DGKI: variants seen among roughly 807,000 people sequenced by gnomAD.
DGKI encodes diacylglycerol kinase iota, also known as DAG kinase iota.
In DGKI, 55 loss-of-function variants were observed where a neutral mutation model predicts 147.5. That is an observed-to-expected ratio of 0.37 (90% CI 0.30 to 0.47). The LOEUF (loss-of-function observed/expected upper bound fraction) is 0.47, where lower values mean the gene tolerates loss of function less well. DGKI is among the 20% of genes least tolerant of loss of function. The pLI, the probability that DGKI is intolerant of heterozygous loss-of-function variation, is 1.00. For synonymous variants in DGKI, 469 were observed against 477.1 expected (o/e 0.98, Z 0.22); for missense variants, 1,007 against 1,323.8 (o/e 0.76, Z 3.71).
chr7:137,554,424 T>A (rs2692008), intron 19 of DGKI, among the ~76,000 whole-genome samples: 1 of 152,078 alleles, frequency 6.6e-6, no homozygotes, highest in South Asian at 2.1e-4. Flanking sequence ...TAACCTAGCA[T>A]GTGTTAGTCT....
chr7:137,586,225 G>A (rs933959425), intron 13 of DGKI, among the ~76,000 whole-genome samples: 1 of 152,094 alleles, frequency 6.6e-6, no homozygotes, highest in Non-Finnish European at 1.5e-5. Context: ...AGGAGTTTGA[G>A]ACCAGCCTGG....
intron 19 of DGKI, among the ~76,000 whole-genome samples, chr7:137,556,613 A>G (rs1026340377): frequency 6.6e-6 from 1 of 152,196 alleles, no homozygotes; most frequent in Non-Finnish European, 1.5e-5. Context: ...CAACAAAAAC[A>G]GTACATGCAG....
intron 3 of DGKI, among the ~76,000 whole-genome samples, chr7:137,670,707 C>A (rs957757036): frequency 6.6e-6 from 1 of 152,308 alleles, no homozygotes; most frequent in Non-Finnish European, 1.5e-5. Flanking sequence ...GAATGGCTGG[C>A]ACCCAAACAA....
intron 2 of DGKI, among the ~76,000 whole-genome samples, chr7:137,679,913 C>T (rs1467231940): frequency 1.3e-5 from 2 of 148,854 alleles, no homozygotes; most frequent in African/African-American, 5.1e-5. Context: ...ATCACTTGAA[C>T]CTGGGAGGTG....
chr7:137,837,005 G>A (rs1009125974), intron 1 of DGKI, among the ~76,000 whole-genome samples: 1 of 152,162 alleles, frequency 6.6e-6, no homozygotes, highest in Non-Finnish European at 1.5e-5. Flanking sequence ...TAATGGGAAA[G>A]GGTGAAAAGA....
rs1247607235 is a variant in DGKI, at chr7:137,605,106, C to T, written c.1167+3860G>A. The stretch of plus-strand genomic sequence containing the variant: ...GCAGATCACCTGAGGTCAGGCATTC[C>T]AGACCAGCCTGGCCAACATAGTGAA... On this transcript the variant is annotated intron_variant, in intron 10 of 32. Transcript: ENST00000614521. Among the ~76,000 whole-genome samples, 3 of 151,968 alleles carry T rather than the reference C, an allele frequency of 2.0e-5. No individual in the cohort carries two copies. In the East Asian group the frequency reaches 5.8e-4, roughly 30 times the overall value.
chr7:137,542,874 T>C (rs1817748487), intron 20 of DGKI, among the ~76,000 whole-genome samples: 2 of 152,216 alleles, frequency 1.3e-5, no homozygotes, highest in South Asian at 2.1e-4. Context: ...AATTCTGTCA[T>C]AGGCAACACA....
At chr7:137,685,573 G>C (rs144385157) in intron 2 of DGKI, among the ~76,000 whole-genome samples, 1 of 152,268 alleles carries the variant, frequency 6.6e-6, no homozygotes, top group East Asian at 1.9e-4. Context: ...ACTCTAAACT[G>C]GGAACTTGGA....
intron 11 of DGKI, 67 bp from the exon 12 acceptor site, chr7:137,597,974 G>C: frequency 6.9e-7 from 1 of 1,458,712 alleles, no homozygotes; most frequent in South Asian, 1.2e-5. Context: ...AGAGAAAGCA[G>C]AGGACAACAT....
intron 1 of DGKI, among the ~76,000 whole-genome samples, chr7:137,805,752 G>A (rs1202460919): frequency 6.6e-6 from 1 of 152,198 alleles, no homozygotes; most frequent in Non-Finnish European, 1.5e-5. Context: ...CTTGTTCTCA[G>A]ATGGGCATAA....
At chr7:137,499,844 A>G (rs1816107108) in intron 21 of DGKI, among the ~76,000 whole-genome samples, 1 of 152,158 alleles carries the variant, frequency 6.6e-6, no homozygotes. Context: ...CCTGTTACAT[A>G]TCTACATATC....
chr7:137,628,912 A>T (rs543007969), intron 6 of DGKI, among the ~76,000 whole-genome samples: 1 of 152,356 alleles, frequency 6.6e-6, no homozygotes, highest in South Asian at 2.1e-4. Context: ...GCTTGACTTA[A>T]GATAAGCTGA....
intron 23 of DGKI, among the ~76,000 whole-genome samples, chr7:137,470,504 C>A (rs1814839721): frequency 6.6e-6 from 1 of 152,132 alleles, no homozygotes; most frequent in Non-Finnish European, 1.5e-5. Flanking sequence ...AGTTCCCTCT[C>A]TTCCAAAATA....
chr7:137,529,284 T>C (rs1191223486), intron 20 of DGKI, among the ~76,000 whole-genome samples: 1 of 152,158 alleles, frequency 6.6e-6, no homozygotes, highest in East Asian at 1.9e-4. Flanking sequence ...CTATGTAATC[T>C]ACGCATGTAA....
At chr7:137,551,847 A>G (rs976500104) in intron 20 of DGKI, among the ~76,000 whole-genome samples, 15 of 152,162 alleles carry the variant, frequency 9.9e-5, no homozygotes, top group African/African-American at 3.6e-4. Flanking sequence ...GAAGCCCCAG[A>G]GTATGGAGGA....
chr7:137,632,025 C>T (rs1213452909), intron 6 of DGKI, among the ~76,000 whole-genome samples: 2 of 152,156 alleles, frequency 1.3e-5, no homozygotes, highest in East Asian at 1.9e-4. Context: ...GGCACTCTGA[C>T]AGTAACTGGA....
At chr7:137,523,377 C>T (rs1051601997) in intron 20 of DGKI, among the ~76,000 whole-genome samples, 1 of 152,106 alleles carries the variant, frequency 6.6e-6, no homozygotes, top group African/African-American at 2.4e-5. Flanking sequence ...ATAGCACATA[C>T]ATATCAAACT....
chr7:137,587,207 C>A lies in DGKI; in HGVS notation c.1315G>T (p.Gly439Cys). The A allele has an allele frequency of 1.2e-6, 2 of 1,609,920 alleles. No individual in the cohort carries two copies. Among genetic ancestry groups the A allele is most frequent in the Non-Finnish European group, 8.5e-7 (1 of 1,178,502 alleles). Residue 439 changes from glycine to cysteine, a missense_variant, in exon 13 of 33, where the codon GGC (glycine) becomes TGC (cysteine). Coordinates refer to ENST00000614521, the MANE Select transcript of DGKI (RefSeq NM_001321708.2). ...ILACGGDGTV[G>C]WILSILDELQ... ...TCATCCAGGATGGAAAGGATCCAGC[C>A]CACCTACAGGCGTATCGGGGGCCAG...
At chr7:137,587,514 T>C (rs575895460) in intron 12 of DGKI, among the ~76,000 whole-genome samples, 2 of 152,312 alleles carry the variant, frequency 1.3e-5, no homozygotes, top group Admixed American at 6.5e-5. Flanking sequence ...ACTTTGGTAG[T>C]ATAACAGGGC....
Sources: gnomAD v4.1 joint callset for allele counts (sites outside exome capture counted in the v4.1 genomes callset) on GRCh38, gnomAD v4.1.1 for gene constraint, MANE v1.5 for transcripts, NCBI Gene and HGNC (gene_info 2026-07-23, HGNC 2026-07-21) for gene names.